Variants in NUDCD1 observed in about 807,000 individuals in gnomAD.
NUDCD1 encodes NudC domain containing 1, also known as nudC domain-containing protein 1.
In NUDCD1, 60 loss-of-function variants were observed where a neutral mutation model predicts 67.8. The ratio of observed to expected loss-of-function variants is 0.88; its 90% confidence interval spans 0.72 to 1.10. The LOEUF is 1.10. Among genes scored for constraint, NUDCD1 ranks in the 50% least tolerant of loss-of-function variants. NUDCD1 has a pLI of 0.00. For missense variants in NUDCD1, 643 were observed against 695.0 expected (o/e 0.93, Z 0.84); for synonymous variants, 244 against 230.8 (o/e 1.06, Z -0.52).
Position 109,245,495 on chromosome 8 carries a change from TA to T in NUDCD1, c.1300-15del, listed in dbSNP as rs767241167. ...TCCAAGATTCACCTAAAAAGTGATTTAAAAAAAAATTTACTCAACAACAAAT... is the reference window on the plus strand; with the variant it reads ...TCCAAGATTCACCTAAAAAGTGATTTAAAAAAAATTTACTCAACAACAAAT... On this transcript the variant is annotated splice_polypyrimidine_tract_variant and intron_variant, in intron 8 of 9. Coordinates refer to ENST00000239690, the MANE Select transcript of NUDCD1 (RefSeq NM_032869.4). The T allele has an allele frequency of 5.0e-5, 78 of 1,570,382 alleles. No homozygotes were observed. The highest frequency in any genetic ancestry group is 2.3e-4 in the African/African-American group (17 of 72,886).
At chr8:109,297,417 C>T (rs1814870444) in intron 2 of NUDCD1, among the ~76,000 whole-genome samples, 1 of 152,160 alleles carries the variant, frequency 6.6e-6, no homozygotes, top group Non-Finnish European at 1.5e-5. Context: ...AACCTAATCA[C>T]CAAAGTGATG....
intron 2 of NUDCD1, among the ~76,000 whole-genome samples, chr8:109,316,764 C>T (rs759268964): frequency 5.3e-5 from 8 of 152,148 alleles, no homozygotes; most frequent in African/African-American, 9.7e-5. Flanking sequence ...AGCAAAACCA[C>T]CTGAGGTGCT....
chr8:109,310,077 A>G (rs1204550263), intron 2 of NUDCD1, among the ~76,000 whole-genome samples: 1 of 152,168 alleles, frequency 6.6e-6, no homozygotes, highest in African/African-American at 2.4e-5. Context: ...ATTCAATGCA[A>G]TACCCATCAA....
chr8:109,256,452 T>C (rs1050809698), intron 8 of NUDCD1, among the ~76,000 whole-genome samples: 2 of 125,046 alleles, frequency 1.6e-5, no homozygotes, highest in Admixed American at 8.7e-5. Flanking sequence ...TGTGCATGTG[T>C]TGAGTCTCAA....
chr8:109,287,329 G>A lies in NUDCD1; in HGVS notation c.823+2422C>T, dbSNP rs118164822. On this transcript the variant is annotated intron_variant, in intron 5 of 9. Coordinates refer to ENST00000239690, the MANE Select transcript of NUDCD1 (RefSeq NM_032869.4). ...AATAATTTTTTTGCCATAAAGACAC[G>A]TGTGCTAGTATGTTCATCACAGCAC... Among the ~76,000 whole-genome samples, 764 of 152,100 alleles carry A rather than the reference G, an allele frequency of 5.0e-3. 3 individuals are homozygous for A. The highest frequency in any genetic ancestry group is 6.5e-3 in the Non-Finnish European group (442 of 67,968).
chr8:109,313,934 T>G (rs1458208421), intron 2 of NUDCD1: 2 of 475,576 alleles, frequency 4.2e-6, no homozygotes, highest in Non-Finnish European at 7.7e-6. Flanking sequence ...AGGAAACACA[T>G]AGTGGCTCTC....
intron 5 of NUDCD1, among the ~76,000 whole-genome samples, chr8:109,284,567 T>C (rs1814531027): frequency 6.6e-6 from 1 of 151,980 alleles, no homozygotes; most frequent in African/African-American, 2.4e-5. Context: ...AATGAAATCA[T>C]ACCAATCATA....
At chr8:109,253,341 A>C (rs1813662525) in intron 8 of NUDCD1, among the ~76,000 whole-genome samples, 1 of 152,256 alleles carries the variant, frequency 6.6e-6, no homozygotes, top group Admixed American at 6.5e-5. Flanking sequence ...GCTCAGCAGA[A>C]GCAAATACAG....
At chr8:109,270,299 A>AT (rs1814119422) in intron 8 of NUDCD1, among the ~76,000 whole-genome samples, 1 of 152,142 alleles carries the variant, frequency 6.6e-6, no homozygotes, top group Non-Finnish European at 1.5e-5. Flanking sequence ...TTCACAAAAG[A>AT]AATAGTTATT....
At chr8:109,303,967 T>C (rs1023759381) in intron 2 of NUDCD1, among the ~76,000 whole-genome samples, 1 of 152,166 alleles carries the variant, frequency 6.6e-6, no homozygotes, top group Non-Finnish European at 1.5e-5. Context: ...AACCACCCCA[T>C]GGTGCCAAAA....
intron 1 of NUDCD1, among the ~76,000 whole-genome samples, chr8:109,323,689 G>T (rs1302727811): frequency 1.3e-5 from 2 of 152,054 alleles, no homozygotes; most frequent in African/African-American, 4.8e-5. Flanking sequence ...GAAGGTGAAA[G>T]ACTTCTACAA....
At position 109,269,523 on chromosome 8, in the gene NUDCD1, C is replaced by A. The variant is rs974456462; in HGVS notation, c.1299+1482G>T. On this transcript the variant is annotated intron_variant, in intron 8 of 9. Coordinates refer to ENST00000239690, the MANE Select transcript of NUDCD1 (RefSeq NM_032869.4). ...GTAAAATGTTGGGCCAGAACTCAGACCTGGTAAGCCAGCTTCCCATGACAC... is the reference window on the plus strand; with the variant it reads ...GTAAAATGTTGGGCCAGAACTCAGAACTGGTAAGCCAGCTTCCCATGACAC... Among the ~76,000 whole-genome samples the A allele has an allele frequency of 2.0e-5, 3 of 152,148 alleles. No homozygotes were observed. In the East Asian group the frequency reaches 5.8e-4, roughly 29 times the overall value.
chr8:109,270,945 CCAAT>C, intron 8 of NUDCD1, 56 bp downstream of exon 8: 1 of 1,103,458 alleles, frequency 9.1e-7, no homozygotes, highest in Non-Finnish European at 1.3e-6. Flanking sequence ...CATATTTAGA[CCAAT>C]CATTATCTGA....
At chr8:109,280,525 T>C (rs117445804) in intron 6 of NUDCD1, among the ~76,000 whole-genome samples, 3,541 of 152,314 alleles carry the variant, frequency 0.023, 67 homozygotes, top group Non-Finnish European at 0.036. Context: ...CAACACTGAT[T>C]GTGAGGAGTG....
In NUDCD1 at chr8:109,242,975, T is replaced by C. The variant is rs1452110166; in HGVS notation, c.*34A>G. The C allele has an allele frequency of 6.9e-7, 1 of 1,442,776 alleles. No homozygotes were observed. The highest frequency in any genetic ancestry group is 1.4e-5 in the African/African-American group (1 of 71,320). The allele number at this position is 1,442,776 out of a possible 1,614,324, so 89.4% of individuals were successfully genotyped here. A position where few individuals can be genotyped will look rare whatever the true frequency, so the allele number is the denominator to read the frequency against. On this transcript the variant is annotated 3_prime_UTR_variant, in exon 10 of 10. Transcript: ENST00000239690. ...AGACCTCCAGGTACCACTGAATACT[T>C]TTCCAGTACAAAGAGGCCAATATGT...
chr8:109,275,238 A>C (rs1814254460), intron 7 of NUDCD1, 114 bp downstream of exon 7: 1 of 884,506 alleles, frequency 1.1e-6, no homozygotes, highest in Non-Finnish European at 1.8e-6. Context: ...GTAGTATCTG[A>C]TATGTATCTT....
chr8:109,303,061 G>A (rs902426468), intron 2 of NUDCD1, among the ~76,000 whole-genome samples: 4 of 152,156 alleles, frequency 2.6e-5, no homozygotes, highest in African/African-American at 4.8e-5. Flanking sequence ...CTCCAGGACC[G>A]CCTCCCCAAG....
chr8:109,251,181 TC>T (rs1264478968), intron 8 of NUDCD1, among the ~76,000 whole-genome samples: 1 of 126,072 alleles, frequency 7.9e-6, no homozygotes, highest in African/African-American at 2.7e-5. Context: ...TTTTTTTTTT[TC>T]TTTTTTTTTT....
intron 1 of NUDCD1, among the ~76,000 whole-genome samples, chr8:109,324,863 G>C (rs1815634755): frequency 6.6e-6 from 1 of 152,176 alleles, no homozygotes; most frequent in Admixed American, 6.5e-5. Flanking sequence ...AAGGCGGGCG[G>C]ATCACGAGGT....
Sources: allele counts gnomAD v4.1 joint callset (sites outside exome capture counted in the v4.1 genomes callset), GRCh38; gene constraint gnomAD v4.1.1; transcripts MANE v1.5; gene names NCBI Gene and HGNC (gene_info 2026-07-23, HGNC 2026-07-21).